Variants in NPFFR2 observed in about 807,000 individuals in gnomAD.
NPFFR2 encodes G-protein coupled receptor 74.
NPFFR2 carries 15 observed loss-of-function variants against 13.1 expected under a neutral mutation model. The ratio of observed to expected loss-of-function variants is 1.15; its 90% CI spans 0.77 to 1.76. The LOEUF (loss-of-function observed/expected upper bound fraction) is 1.76, where lower values mean the gene tolerates loss of function less well. NPFFR2 is among the 40% of genes most tolerant of loss of function. The pLI is 0.00. For synonymous variants in NPFFR2, 190 were observed against 175.7 expected (o/e 1.08, Z -0.65); for missense variants, 572 against 503.5 (o/e 1.14, Z -1.30).
intron 1 of NPFFR2, among the ~76,000 whole-genome samples, chr4:72,044,122 G>A (rs907149239): frequency 6.6e-6 from 1 of 152,148 alleles, no homozygotes; most frequent in Admixed American, 6.5e-5. Flanking sequence ...GCCACCATGT[G>A]AAAAAGGACA....
At chr4:72,036,956 A>T (rs1719053913) in intron 1 of NPFFR2, among the ~76,000 whole-genome samples, 1 of 152,184 alleles carries the variant, frequency 6.6e-6, no homozygotes, top group African/African-American at 2.4e-5. Flanking sequence ...AAACTGCTTT[A>T]TCTTACCAAG....
At position 72,062,685 on chromosome 4, in the gene NPFFR2, C is replaced by T. The variant is rs76895142; in HGVS notation, c.-8+30485C>T. 1.1e-3 allele frequency among the ~76,000 whole-genome samples: 174 copies of T among 152,220 alleles called. 1 individual carries two copies. The East Asian group carries it at 0.028, about 25-fold the overall frequency. On this transcript the variant is annotated intron_variant, in intron 1 of 3. Transcript: ENST00000308744. ...TTTCCCAACAAAATGTAATGGTACT[C>T]CAGGTTGAGGCTTTGTGATTCTTTC...
intron 1 of NPFFR2, among the ~76,000 whole-genome samples, chr4:72,037,267 A>AGTTCTAGAACCTGTAGTT (rs1719063242): frequency 6.6e-6 from 1 of 151,786 alleles, no homozygotes; most frequent in African/African-American, 2.4e-5. Context: ...TCATAGTGGT[A>AGTTCTAGAACCTGTAGTT]CATACCTGTA....
intron 1 of NPFFR2, among the ~76,000 whole-genome samples, chr4:72,070,463 C>T (rs1720210250): frequency 6.6e-6 from 1 of 151,476 alleles, no homozygotes; most frequent in Non-Finnish European, 1.5e-5. Flanking sequence ...TTATCCTTGG[C>T]TACAAGTATC....
chr4:72,143,971 A>T (rs1391595138), intron 3 of NPFFR2, among the ~76,000 whole-genome samples: 1 of 152,146 alleles, frequency 6.6e-6, no homozygotes, highest in East Asian at 1.9e-4. Context: ...ACTTCTCTAT[A>T]CTTTCAGTTA....
chr4:72,147,734 T>C lies in NPFFR2; in HGVS notation c.1185T>C (p.Tyr395=), dbSNP rs1471461871. 2 of 1,607,924 alleles carry C rather than the reference T, an allele frequency of 1.2e-6. No homozygotes were observed. Among genetic ancestry groups the C allele is most frequent in the African/African-American group, 2.7e-5 (2 of 74,396 alleles). Residue 395 remains tyrosine (Y), a synonymous_variant, in exon 4 of 4, where the codon TAT becomes TAC. Transcript: ENST00000308744. ...ACCCTCATGGGGAAACCTTGCTTTA[T>C]AGGAAAAGTGCTGAAAAACCCCAAC... ...FQNPHGETLL[Y]RKSAEKPQQE...
intron 1 of NPFFR2, among the ~76,000 whole-genome samples, chr4:72,059,027 G>A (rs1719842955): frequency 6.6e-6 from 1 of 152,036 alleles, no homozygotes; most frequent in Non-Finnish European, 1.5e-5. Flanking sequence ...CTTTCCCTTT[G>A]GAGGGAATAG....
At chr4:72,075,909 G>A (rs188523640) in intron 1 of NPFFR2, among the ~76,000 whole-genome samples, 1 of 149,224 alleles carries the variant, frequency 6.7e-6, no homozygotes, top group East Asian at 2.0e-4. Flanking sequence ...ACCTAAAATA[G>A]TTGTTACTCA....
At chr4:72,119,887 T>A (rs1162044691) in intron 1 of NPFFR2, among the ~76,000 whole-genome samples, 1 of 152,102 alleles carries the variant, frequency 6.6e-6, no homozygotes, top group East Asian at 1.9e-4. Context: ...GCAGTTTTTC[T>A]TTTTTTCATA....
intron 1 of NPFFR2, among the ~76,000 whole-genome samples, chr4:72,072,372 A>T (rs1720282402): frequency 6.6e-6 from 1 of 152,062 alleles, no homozygotes; most frequent in African/African-American, 2.4e-5. Context: ...AAGAGACAGA[A>T]AACCTAAAAA....
chr4:72,136,082 G>A (rs538206396), intron 2 of NPFFR2, among the ~76,000 whole-genome samples: 7 of 152,168 alleles, frequency 4.6e-5, no homozygotes, highest in Non-Finnish European at 1.0e-4. Flanking sequence ...AAGGCTAGGT[G>A]CAGTGGCTCA....
chr4:72,145,328 A>G (rs1325117970), intron 3 of NPFFR2, among the ~76,000 whole-genome samples: 1 of 149,960 alleles, frequency 6.7e-6, no homozygotes, highest in African/African-American at 2.4e-5. Flanking sequence ...ATAAATACAT[A>G]TATGTACAGA....
At chr4:72,057,590 C>A (rs995594000) in intron 1 of NPFFR2, among the ~76,000 whole-genome samples, 1 of 151,906 alleles carries the variant, frequency 6.6e-6, no homozygotes, top group Non-Finnish European at 1.5e-5. Flanking sequence ...CCCTAAATTT[C>A]GGGTGATATC....
intron 1 of NPFFR2, among the ~76,000 whole-genome samples, chr4:72,113,862 A>C (rs1721635652): frequency 6.6e-6 from 1 of 152,056 alleles, no homozygotes; most frequent in South Asian, 2.1e-4. Flanking sequence ...ACAGCAGAGG[A>C]ATATTTAGTC....
At chr4:72,103,003 TCC>T in intron 1 of NPFFR2, among the ~76,000 whole-genome samples, 1 of 152,256 alleles carries the variant, frequency 6.6e-6, no homozygotes. Flanking sequence ...GTCAAAGTGT[TCC>T]TATTTCTCCA....
chr4:72,053,078 C>G (rs1488289828), intron 1 of NPFFR2, among the ~76,000 whole-genome samples: 1 of 151,790 alleles, frequency 6.6e-6, no homozygotes, highest in Non-Finnish European at 1.5e-5. Flanking sequence ...GCTCGACCAC[C>G]TTGGGCACAT....
At chr4:72,069,423 T>A (rs1475243381) in intron 1 of NPFFR2, among the ~76,000 whole-genome samples, 1 of 152,182 alleles carries the variant, frequency 6.6e-6, no homozygotes, top group South Asian at 2.1e-4. Flanking sequence ...AAATAAAATA[T>A]AAATTTAAAA....
intron 1 of NPFFR2, among the ~76,000 whole-genome samples, chr4:72,050,728 G>A (rs939267238): frequency 3.3e-5 from 5 of 151,238 alleles, no homozygotes; most frequent in African/African-American, 1.2e-4. Context: ...TTGTCATCTA[G>A]CATTAGGTAT....
intron 1 of NPFFR2, among the ~76,000 whole-genome samples, chr4:72,034,415 C>T (rs1434763789): frequency 6.6e-6 from 1 of 152,010 alleles, no homozygotes; most frequent in African/African-American, 2.4e-5. Context: ...GGGGAAAAGC[C>T]CCCTATAAAA....
Sources: gnomAD v4.1 joint callset for allele counts (sites outside exome capture counted in the v4.1 genomes callset) on GRCh38, gnomAD v4.1.1 for gene constraint, MANE v1.5 for transcripts, NCBI Gene and HGNC (gene_info 2026-07-23, HGNC 2026-07-21) for gene names.